Variants in E2F7 observed in about 807,000 individuals in gnomAD.
E2F7 encodes the protein E2F transcription factor 7.
In E2F7, 35 loss-of-function variants were observed where a neutral mutation model predicts 81.1. The ratio of observed to expected loss-of-function variants is 0.43; its 90% CI spans 0.33 to 0.57. E2F7 has a LOEUF of 0.57. E2F7 is among the 20% of genes least tolerant of loss of function. E2F7 has a pLI of 0.04. For synonymous variants in E2F7, 416 were observed against 416.2 expected (o/e 1.00, Z 0.01); for missense variants, 961 against 1,093.7 (o/e 0.88, Z 1.71).
chr12:77,037,227 A>T (rs1417519068), intron 7 of E2F7, among the ~76,000 whole-genome samples: 1 of 152,248 alleles, frequency 6.6e-6, no homozygotes, highest in Non-Finnish European at 1.5e-5. Flanking sequence ...CAAAAAAATG[A>T]TAAGCACTGG....
rs374207239 is a variant in E2F7 at position 77,050,608 on chromosome 12, G to A, written c.506C>T (p.Thr169Ile). 6.2e-7 allele frequency: 1 copy of A among 1,613,904 alleles called. No individual in the cohort carries two copies. The highest frequency in any genetic ancestry group is 1.3e-5 in the African/African-American group (1 of 74,892). ...GACAGCAACTTCATCTAGGGAGATG[G>A]TAGTTTTCTCAGTTGACAAGGGATA... ...PSYPLSTEKTTISLDEVAVSL... is the reference protein window; with the variant it reads ...PSYPLSTEKTIISLDEVAVSL... Residue 169 changes from threonine to isoleucine, a missense_variant, in exon 4 of 13, where the codon ACC becomes ATC. By Grantham distance (89) the Thr-to-Ile change is moderately conservative. Around this residue, in one of 3 missense-constraint regions of E2F7, gnomAD observed 301 missense variants for 405.0 expected, o/e 0.74. Transcript: ENST00000322886.
chr12:77,054,399 A>G (rs74953637), intron 3 of E2F7, among the ~76,000 whole-genome samples: 3,889 of 152,292 alleles, frequency 0.026, 73 homozygotes, highest in Non-Finnish European at 0.04. Context: ...AAACTAAAAA[A>G]AAAATACAAT....
Position 77,043,210 on chromosome 12 carries a change from T to C in E2F7, c.989-11A>G. On this transcript the variant is annotated splice_polypyrimidine_tract_variant and intron_variant, in intron 6 of 12. Coordinates refer to ENST00000322886, the MANE Select transcript of E2F7 (RefSeq NM_203394.3). ...GGCGTCGTACCTTTGCTTGAAGATA[T>C]AAAACACGATTACGGTCATGCTGCC... 2 of 1,614,002 alleles carry C rather than the reference T, an allele frequency of 1.2e-6. No individual in the cohort carries two copies. The highest frequency in any genetic ancestry group is 1.7e-6 in the Non-Finnish European group (2 of 1,179,994).
intron 4 of E2F7, among the ~76,000 whole-genome samples, chr12:77,049,854 C>T (rs1954971749): frequency 6.6e-6 from 1 of 152,128 alleles, no homozygotes; most frequent in Admixed American, 6.5e-5. Flanking sequence ...GTAAAACCTT[C>T]CTATTTTTAA....
intron 4 of E2F7, among the ~76,000 whole-genome samples, chr12:77,049,965 C>A (rs936996970): frequency 6.6e-6 from 1 of 152,128 alleles, no homozygotes; most frequent in African/African-American, 2.4e-5. Flanking sequence ...CACTAGGGGT[C>A]TCTATTCTGA....
chr12:77,044,908 T>C, intron 5 of E2F7, 113 bp from the exon 6 acceptor site: 2 of 1,245,600 alleles, frequency 1.6e-6, no homozygotes, highest in South Asian at 1.6e-5. Context: ...AGATCACCCT[T>C]GTCATTGGCA....
At chr12:77,034,364 T>G (rs1028094807) in intron 7 of E2F7, among the ~76,000 whole-genome samples, 2 of 152,240 alleles carry the variant, frequency 1.3e-5, no homozygotes, top group Non-Finnish European at 2.9e-5. Context: ...GATGCTCTAT[T>G]TGAGCAGAGA....
rs376507921 is a variant in E2F7 at position 77,030,022 on chromosome 12, G to A, written c.1693C>T (p.Pro565Ser). 7 of 1,614,024 alleles carry A rather than the reference G, an allele frequency of 4.3e-6. No individual in the cohort carries two copies. In the African/African-American group the frequency reaches 6.7e-5, roughly 15 times the overall value. ...FMLYGSLQEG[P>S]ASGSGSERDD... ...CTCTCTGACCCTGACCCTGACGCTG[G>A]TCCCTCCTGCAGACTTCCATACAGC... Residue 565 changes from proline (P) to serine (S), a missense_variant, in exon 10 of 13, where the codon CCA (proline) becomes TCA (serine). Physicochemically the swap from Pro to Ser is moderately conservative, Grantham distance 74 (BLOSUM62 -1). Coordinates refer to ENST00000322886, the MANE Select transcript of E2F7 (RefSeq NM_203394.3).
At chr12:77,039,174 C>T (rs1487209703) in intron 7 of E2F7, among the ~76,000 whole-genome samples, 1 of 152,126 alleles carries the variant, frequency 6.6e-6, no homozygotes, top group African/African-American at 2.4e-5. Context: ...CATATGCAAC[C>T]TCCCATCCCC....
rs1954714190 is a variant in E2F7 at position 77,021,857 on chromosome 12, A to G, written c.*2158T>C. 1 of 152,200 alleles carries G rather than the reference A, an allele frequency of 6.6e-6. No individual in the cohort carries two copies. Among genetic ancestry groups the G allele is most frequent in the African/African-American group, 2.4e-5 (1 of 41,450 alleles). 9.4% of individuals were successfully genotyped at this position (152,200 alleles called of 1,614,324 possible). A position where few individuals can be genotyped will look rare whatever the true frequency, so the allele number is the denominator to read the frequency against. On this transcript the variant is annotated 3_prime_UTR_variant, in exon 13 of 13. Transcript: ENST00000322886. ...TCCTGACAGAAACAACCACTGCATT[A>G]TTATTTTTACATATAAAGCCACATT...
chr12:77,033,583 C>T (rs1054022823), intron 8 of E2F7, among the ~76,000 whole-genome samples: 2 of 152,194 alleles, frequency 1.3e-5, no homozygotes, highest in African/African-American at 2.4e-5. Flanking sequence ...TTCTGAGATA[C>T]ATCAAATAGG....
rs965644773 is a variant in E2F7, at chr12:77,022,809, A to G, written c.*1206T>C. The G allele has an allele frequency of 6.6e-6, 1 of 152,166 alleles. No individual in the cohort carries two copies. Among genetic ancestry groups the G allele is most frequent in the Non-Finnish European group, 1.5e-5 (1 of 68,024 alleles). 9.4% of individuals were successfully genotyped at this position (152,166 alleles called of 1,614,324 possible). On this transcript the variant is annotated 3_prime_UTR_variant, in exon 13 of 13. Coordinates refer to ENST00000322886, the MANE Select transcript of E2F7 (RefSeq NM_203394.3). Reference sequence around the variant, plus strand: ...AAAGTAATGTGGGTTAAAAAAGGGAAATTGCATAACAGTTTCCAGAATTGT... The same window carrying G: ...AAAGTAATGTGGGTTAAAAAAGGGAGATTGCATAACAGTTTCCAGAATTGT...
At chr12:77,041,515 T>C (rs1299148215) in intron 7 of E2F7, among the ~76,000 whole-genome samples, 4 of 152,188 alleles carry the variant, frequency 2.6e-5, no homozygotes, top group East Asian at 3.9e-4. Flanking sequence ...TCTTCAATGG[T>C]ACGACCACCT....
intron 4 of E2F7, among the ~76,000 whole-genome samples, 183 bp from the exon 5 acceptor site, chr12:77,046,511 C>T (rs561821853): frequency 6.6e-6 from 1 of 152,252 alleles, no homozygotes; most frequent in South Asian, 2.1e-4. Context: ...TTTTCTTTTT[C>T]CTTCTTGAGA....
chr12:77,057,250 A>AT (rs1326533990), intron 2 of E2F7, among the ~76,000 whole-genome samples: 1 of 151,750 alleles, frequency 6.6e-6, no homozygotes, highest in Admixed American at 6.6e-5. Context: ...AATTTTTAAA[A>AT]TTTTGTGTGG....
At chr12:77,036,812 G>A (rs183572565) in intron 7 of E2F7, among the ~76,000 whole-genome samples, 25 of 151,828 alleles carry the variant, frequency 1.6e-4, no homozygotes, top group African/African-American at 5.8e-4. Flanking sequence ...CGCGATCTCG[G>A]CTCACTGCAA....
At chr12:77,054,898 T>C (rs1955019650) in intron 3 of E2F7, among the ~76,000 whole-genome samples, 2 of 152,066 alleles carry the variant, frequency 1.3e-5, no homozygotes, top group African/African-American at 4.8e-5. Context: ...GGTGAGTAAA[T>C]TGAGATGCAG....
chr12:77,033,116 C>A lies in E2F7; in HGVS notation c.1316G>T (p.Gly439Val). 2 of 1,613,648 alleles carry A rather than the reference C, an allele frequency of 1.2e-6. No individual in the cohort carries two copies. Among genetic ancestry groups the A allele is most frequent in the Non-Finnish European group, 1.7e-6 (2 of 1,179,900 alleles). ...GCTTCCAATTTCTAAAGAGTAGCCA[C>A]CTGATCCTGAAAAGGAAGATGAAGG... ...SSPYREEQGS[G>V]GYSLEIGSLA... Residue 439 changes from glycine to valine, a missense_variant, in exon 9 of 13, where the codon GGT becomes GTT. By Grantham distance (109) the Gly-to-Val change is moderately radical (BLOSUM62 -3). Coordinates refer to ENST00000322886, the MANE Select transcript of E2F7 (RefSeq NM_203394.3).
chr12:77,057,401 G>T (rs1230943890), intron 2 of E2F7, among the ~76,000 whole-genome samples: 1 of 151,918 alleles, frequency 6.6e-6, no homozygotes, highest in Non-Finnish European at 1.5e-5. Context: ...TAGAGATCGG[G>T]GTCTCACTAT....
Sources: allele counts gnomAD v4.1 joint callset (sites outside exome capture counted in the v4.1 genomes callset), GRCh38; gene constraint gnomAD v4.1.1; regional missense constraint gnomAD v4.1.1; transcripts MANE v1.5; gene names NCBI Gene and HGNC (gene_info 2026-07-23, HGNC 2026-07-21).